AGBL1: variants seen among roughly 807,000 people sequenced by gnomAD.
The protein encoded by AGBL1 is cytosolic carboxypeptidase 4.
In AGBL1, 130 loss-of-function variants were observed where a neutral mutation model predicts 118.9. The ratio of observed to expected loss-of-function variants is 1.09; its 90% CI spans 0.95 to 1.26. The LOEUF is 1.26. AGBL1 is among the 50% of genes most tolerant of loss of function. The pLI, the probability that AGBL1 is intolerant of heterozygous loss-of-function variation, is 0.00. For missense variants in AGBL1, 1,584 were observed against 1,298.1 expected, an observed-to-expected ratio of 1.22 and a Z score of -3.38; for synonymous variants, 555 against 478.9, an observed-to-expected ratio of 1.16 and a Z score of -2.08.
rs1284524135 is a variant in AGBL1 at position 86,557,515 on chromosome 15, A to G, written c.2994+2978A>G. Among the ~76,000 whole-genome samples the G allele has an allele frequency of 2.0e-5, 3 of 152,220 alleles. No homozygotes were observed. The East Asian group carries it at 5.8e-4, about 29-fold the overall frequency. On this transcript the variant is annotated intron_variant, in intron 21 of 22. Transcript: ENST00000614907. ...AAAGAAGGACAGAAGATGGTAACTC[A>G]GCTGAGGTTTGAAGAGTGACTCAAC... is the stretch of plus-strand genomic sequence containing the variant.
At chr15:86,548,663 GCACACACACA>G (rs61362688) in intron 20 of AGBL1, among the ~76,000 whole-genome samples, 80 of 142,792 alleles carry the variant, frequency 5.6e-4, no homozygotes, top group East Asian at 1.4e-3. Context: ...ACACATGCAC[GCACACACACA>G]CACACACACA....
chr15:86,275,419 A>G (rs1362060041), intron 15 of AGBL1, among the ~76,000 whole-genome samples: 1 of 152,224 alleles, frequency 6.6e-6, no homozygotes, highest in Admixed American at 6.5e-5. Context: ...GCTCTGCCTT[A>G]TTAGATCCTG....
intron 23 of AGBL1, among the ~76,000 whole-genome samples, chr15:86,974,551 T>TA (rs2081152312): frequency 6.3e-5 from 8 of 126,576 alleles, no homozygotes; most frequent in African/African-American, 8.9e-5. Flanking sequence ...AATTATATAA[T>TA]TATATAATAT....
chr15:86,806,709 A>G (rs1240274492), intron 22 of AGBL1, among the ~76,000 whole-genome samples: 3 of 151,952 alleles, frequency 2.0e-5, no homozygotes, highest in South Asian at 2.1e-4. Context: ...AAAAGCACTC[A>G]TAAGAGTGCT....
Position 86,989,928 on chromosome 15 carries a change from A to C in AGBL1, c.3323+1840A>C, listed in dbSNP as rs76122904. Among the ~76,000 whole-genome samples, 66 of 152,274 alleles carry C rather than the reference A, an allele frequency of 4.3e-4. 1 individual carries two copies. In the East Asian group the frequency reaches 0.012, roughly 28 times the overall value. ...TGGTCAGGATGGCGAAGGGGTGGCAAGTAACAGTGTGAGTGGGGTTCTATA... is the reference window on the plus strand; with the variant it reads ...TGGTCAGGATGGCGAAGGGGTGGCACGTAACAGTGTGAGTGGGGTTCTATA... On this transcript the variant is annotated intron_variant, in intron 24 of 24. Transcript: ENST00000441037.
intron 22 of AGBL1, among the ~76,000 whole-genome samples, chr15:86,882,139 C>T (rs535097604): frequency 4.6e-5 from 7 of 152,312 alleles, no homozygotes; most frequent in African/African-American, 1.7e-4. Context: ...ACACAGGTCA[C>T]CATGACACGG....
intron 21 of AGBL1, among the ~76,000 whole-genome samples, chr15:86,641,110 A>T (rs2085182671): frequency 6.6e-6 from 1 of 151,912 alleles, no homozygotes; most frequent in Non-Finnish European, 1.5e-5. Flanking sequence ...GCTTATTTTC[A>T]CCTTTAGGCT....
intron 19 of AGBL1, among the ~76,000 whole-genome samples, chr15:86,541,997 G>T (rs1345840333): frequency 1.3e-5 from 2 of 152,202 alleles, no homozygotes; most frequent in Non-Finnish European, 2.9e-5. Flanking sequence ...AAATTCACTA[G>T]ATTTGGCTGA....
chr15:86,806,446 A>G (rs1596499147), intron 22 of AGBL1, among the ~76,000 whole-genome samples: 1 of 152,160 alleles, frequency 6.6e-6, no homozygotes, highest in African/African-American at 2.4e-5. Flanking sequence ...CATATGAAAT[A>G]TGTGTTCTGG....
At chr15:86,640,627 C>A (rs1273002255) in intron 21 of AGBL1, among the ~76,000 whole-genome samples, 1 of 152,060 alleles carries the variant, frequency 6.6e-6, no homozygotes. Context: ...TTAACCATTT[C>A]TCTACTTTTT....
intron 19 of AGBL1, among the ~76,000 whole-genome samples, chr15:86,534,332 C>G (rs1024356698): frequency 2.6e-5 from 4 of 152,270 alleles, no homozygotes; most frequent in African/African-American, 7.2e-5. Context: ...ACCATTTGAG[C>G]TGGACTTGCA....
chr15:86,461,554 C>T (rs893910335), intron 18 of AGBL1, among the ~76,000 whole-genome samples: 4 of 152,112 alleles, frequency 2.6e-5, no homozygotes, highest in Non-Finnish European at 4.4e-5. Flanking sequence ...TTTAAGATTT[C>T]ACAGGAGTAT....
At chr15:86,980,866 A>G (rs1192412167) in intron 23 of AGBL1, among the ~76,000 whole-genome samples, 2 of 150,288 alleles carry the variant, frequency 1.3e-5, no homozygotes, top group Non-Finnish European at 3.0e-5. Context: ...CTAAATATAA[A>G]TAGTGCTTCA....
intron 5 of AGBL1, among the ~76,000 whole-genome samples, chr15:86,213,537 T>G (rs138015609): frequency 1.6e-3 from 247 of 152,284 alleles, no homozygotes; most frequent in Non-Finnish European, 2.5e-3. Context: ...CCAAGGAGTC[T>G]GAGGCACAGT....
At chr15:86,737,265 G>C (rs1473213192) in intron 22 of AGBL1, among the ~76,000 whole-genome samples, 2 of 152,146 alleles carry the variant, frequency 1.3e-5, no homozygotes, top group Non-Finnish European at 2.9e-5. Flanking sequence ...GGTGATATCT[G>C]AGCTGGGCCT....
chr15:86,557,704 A>C, intron 21 of AGBL1, among the ~76,000 whole-genome samples: 1 of 152,094 alleles, frequency 6.6e-6, no homozygotes, highest in East Asian at 1.9e-4. Flanking sequence ...AATCCACCTC[A>C]TCATCGTGGT....
chr15:86,290,638 C>T (rs1005424892), intron 16 of AGBL1, among the ~76,000 whole-genome samples: 2 of 151,800 alleles, frequency 1.3e-5, no homozygotes, highest in Admixed American at 1.3e-4. Context: ...AGGTGTGAAC[C>T]ACTGCACCTG....
chr15:86,456,530 A>C (rs2082260298), intron 18 of AGBL1, among the ~76,000 whole-genome samples: 1 of 152,176 alleles, frequency 6.6e-6, no homozygotes, highest in Non-Finnish European at 1.5e-5. Flanking sequence ...CTATTGTGGT[A>C]TTCAGAGGAG....
chr15:86,657,108 C>T (rs1030234850), intron 21 of AGBL1, among the ~76,000 whole-genome samples: 3 of 152,172 alleles, frequency 2.0e-5, no homozygotes, highest in Non-Finnish European at 4.4e-5. Context: ...CCTCGTTTCT[C>T]AGTGTGATTT....
Sources: gnomAD v4.1 joint callset for allele counts (sites outside exome capture counted in the v4.1 genomes callset) on GRCh38, gnomAD v4.1.1 for gene constraint, MANE v1.5 for transcripts, NCBI Gene and HGNC (gene_info 2026-07-23, HGNC 2026-07-21) for gene names.